The following GRIK1 variants were observed in gnomAD, a reference collection of about 807,000 sequenced individuals.
GRIK1 encodes glutamate ionotropic receptor kainate type subunit 1, also known as glutamate receptor ionotropic, kainate 1.
GRIK1 carries 69 observed loss-of-function variants against 105.7 expected under a neutral mutation model. The ratio of observed to expected loss-of-function variants is 0.65; its 90% confidence interval spans 0.54 to 0.80. The LOEUF is 0.80. Among genes scored for constraint, GRIK1 ranks in the 30% least tolerant of loss-of-function variants. The probability of loss-of-function intolerance (pLI) is 0.00; values close to 1 mark genes in which losing one functional copy is unlikely to be tolerated. For synonymous variants in GRIK1, 438 were observed against 431.3 expected, an observed-to-expected ratio of 1.02 and a Z score of -0.19; for missense variants, 1,109 against 1,167.3, an observed-to-expected ratio of 0.95 and a Z score of 0.73.
intron 4 of GRIK1, among the ~76,000 whole-genome samples, chr21:29,660,449 G>A (rs2062940914): frequency 6.6e-6 from 1 of 152,104 alleles, no homozygotes; most frequent in African/African-American, 2.4e-5. Context: ...TAAGAAGCCT[G>A]GACCATATTT....
intron 1 of GRIK1, among the ~76,000 whole-genome samples, chr21:29,781,816 GCC>G (rs1569086178): frequency 3.4e-5 from 5 of 147,952 alleles, no homozygotes; most frequent in African/African-American, 1.2e-4. Flanking sequence ...GACTACAGGC[GCC>G]CGCCACCGCG....
chr21:29,672,172 C>G (rs1568957758), intron 4 of GRIK1, among the ~76,000 whole-genome samples: 1 of 151,690 alleles, frequency 6.6e-6, no homozygotes, highest in Non-Finnish European at 1.5e-5. Context: ...ATTCTCCTGC[C>G]TCAGCCTCTT....
intron 11 of GRIK1, among the ~76,000 whole-genome samples, chr21:29,588,363 CAA>C (rs931723304): frequency 2.6e-5 from 4 of 152,156 alleles, no homozygotes; most frequent in Non-Finnish European, 5.9e-5. Context: ...CCCCATGTGT[CAA>C]GGGTGGGACC....
intron 1 of GRIK1, among the ~76,000 whole-genome samples, chr21:29,835,228 C>G (rs2067757631): frequency 6.6e-6 from 1 of 152,170 alleles, no homozygotes; most frequent in South Asian, 2.1e-4. Flanking sequence ...CTTACCTACC[C>G]TACTAGCCTG....
At chr21:29,825,728 G>A (rs2067435199) in intron 1 of GRIK1, among the ~76,000 whole-genome samples, 1 of 152,022 alleles carries the variant, frequency 6.6e-6, no homozygotes, top group South Asian at 2.1e-4. Context: ...AGGAGTACTG[G>A]TCTAAATAGA....
chr21:29,849,642 A>T (rs1473956490), intron 1 of GRIK1, among the ~76,000 whole-genome samples: 3 of 152,182 alleles, frequency 2.0e-5, no homozygotes, highest in Admixed American at 6.5e-5. Flanking sequence ...ACCAAAGACA[A>T]TGTGTCCATG....
At chr21:29,600,543 A>G (rs1215569568) in intron 7 of GRIK1, among the ~76,000 whole-genome samples, 2 of 152,148 alleles carry the variant, frequency 1.3e-5, no homozygotes, top group Non-Finnish European at 2.9e-5. Flanking sequence ...TCTTGACTTT[A>G]CCAAATTCAT....
chr21:29,908,583 CA>C (rs375121513), intron 1 of GRIK1, among the ~76,000 whole-genome samples: 10 of 152,306 alleles, frequency 6.6e-5, no homozygotes, highest in African/African-American at 2.4e-4. Flanking sequence ...CATACATTTT[CA>C]AAATCAAGCT....
intron 7 of GRIK1, among the ~76,000 whole-genome samples, 197 bp downstream of exon 7, chr21:29,642,629 T>C (rs1388108043): frequency 6.6e-6 from 1 of 152,212 alleles, no homozygotes; most frequent in Non-Finnish European, 1.5e-5. Flanking sequence ...ACTGAACTTC[T>C]CAGCATCACA....
intron 16 of GRIK1, among the ~76,000 whole-genome samples, chr21:29,544,022 G>T (rs891068747): frequency 6.6e-6 from 1 of 152,034 alleles, no homozygotes; most frequent in Non-Finnish European, 1.5e-5. Flanking sequence ...CCACACCTGG[G>T]ACCTGATGCC....
intron 1 of GRIK1, among the ~76,000 whole-genome samples, chr21:29,789,511 C>A (rs907447735): frequency 4.6e-5 from 7 of 152,210 alleles, no homozygotes; most frequent in Non-Finnish European, 1.0e-4. Context: ...CCCACTCCCC[C>A]ATACCTGGCT....
chr21:29,857,504 CA>C (rs2068499679), intron 1 of GRIK1, among the ~76,000 whole-genome samples: 1 of 152,126 alleles, frequency 6.6e-6, no homozygotes, highest in African/African-American at 2.4e-5. Flanking sequence ...TGGGAAATAA[CA>C]ATGAAAACAG....
chr21:29,867,932 G>A (rs1601896289), intron 1 of GRIK1, among the ~76,000 whole-genome samples: 1 of 104,554 alleles, frequency 9.6e-6, no homozygotes, highest in African/African-American at 3.7e-5. Flanking sequence ...GAGAAAGAGA[G>A]AGAAAGAGAG....
At chr21:29,620,828 A>G (rs1258434303) in intron 7 of GRIK1, among the ~76,000 whole-genome samples, 5 of 91,796 alleles carry the variant, frequency 5.4e-5, no homozygotes, top group African/African-American at 2.7e-4. Context: ...TAGTAATAAT[A>G]TATTATAGTC....
At chr21:29,879,617 G>A (rs71321313) in intron 1 of GRIK1, among the ~76,000 whole-genome samples, 72 of 152,170 alleles carry the variant, frequency 4.7e-4, no homozygotes, top group Non-Finnish European at 8.2e-4. Flanking sequence ...TAATTGTAAC[G>A]TTGATTCATG....
chr21:29,913,164 G>A (rs565491541), intron 1 of GRIK1, among the ~76,000 whole-genome samples: 5 of 152,128 alleles, frequency 3.3e-5, no homozygotes, highest in African/African-American at 1.2e-4. Flanking sequence ...CAAGAACATG[G>A]ACTTGAGAGA....
chr21:29,696,468 TTCAGTTTCTC>T (rs2063703626), intron 1 of GRIK1, among the ~76,000 whole-genome samples: 1 of 152,234 alleles, frequency 6.6e-6, no homozygotes, highest in South Asian at 2.1e-4. Flanking sequence ...GGAGTTGATT[TTCAGTTTCTC>T]TCAGAACTGT....
rs554817018 is a variant in GRIK1, at chr21:29,642,825, C to A, written c.1098+1G>T. The A allele has an allele frequency of 6.2e-7, 1 of 1,613,946 alleles. No individual in the cohort carries two copies. Among genetic ancestry groups the A allele is most frequent in the South Asian group, 1.1e-5 (1 of 91,068 alleles). On this transcript the variant is annotated splice_donor_variant, in intron 7 of 17. Coordinates refer to ENST00000327783, the MANE Select transcript of GRIK1 (RefSeq NM_001330994.2). LOFTEE classifies it high-confidence loss of function. ...CTGGGCTGTGAGGGAGCATCACTTG[C>A]CTCTTTGATCAGGTTCATAAATCTG...
At chr21:29,860,482 C>T (rs917442630) in intron 1 of GRIK1, among the ~76,000 whole-genome samples, 4 of 152,198 alleles carry the variant, frequency 2.6e-5, no homozygotes, top group Non-Finnish European at 5.9e-5. Flanking sequence ...TCTGCAAGCC[C>T]TCACCTGAGC....
Sources: gnomAD v4.1 joint callset for allele counts (sites outside exome capture counted in the v4.1 genomes callset) on GRCh38, gnomAD v4.1.1 for gene constraint, MANE v1.5 for transcripts, NCBI Gene and HGNC (gene_info 2026-07-23, HGNC 2026-07-21) for gene names.